The following GALNT13 variants were observed in gnomAD, a reference collection of about 807,000 sequenced individuals.
GALNT13 encodes UDP-GalNAc:polypeptide N-acetylgalactosaminyltransferase 13.
GALNT13 carries 28 observed loss-of-function variants against 64.2 expected under a neutral mutation model. The ratio of observed to expected loss-of-function variants is 0.44; its 90% confidence interval spans 0.32 to 0.60. GALNT13 has a LOEUF of 0.60. GALNT13 is among the 20% of genes least tolerant of loss of function. The probability of loss-of-function intolerance (pLI) is 0.05; values close to 1 mark genes in which losing one functional copy is unlikely to be tolerated. For missense variants in GALNT13, 577 were observed against 669.8 expected (o/e 0.86, Z 1.53); for synonymous variants, 214 against 224.6 (o/e 0.95, Z 0.42).
the GALNT13 span, among the ~76,000 whole-genome samples, chr2:153,224,498 T>TG: frequency 8.1e-3 from 1,235 of 151,762 alleles, 20 homozygotes; most frequent in African/African-American, 0.028. Flanking sequence ...AGTTGAATTT[T>TG]TTTTAAAATT....
the GALNT13 span, among the ~76,000 whole-genome samples, chr2:153,313,759 C>G: frequency 6.6e-6 from 1 of 151,978 alleles, no homozygotes; most frequent in Non-Finnish European, 1.5e-5. Flanking sequence ...CTTGGTAGCC[C>G]AATTCAAGCA....
chr2:153,722,467 C>A, the GALNT13 span, among the ~76,000 whole-genome samples: 1 of 146,582 alleles, frequency 6.8e-6, no homozygotes, highest in Non-Finnish European at 1.5e-5. Flanking sequence ...CGGAGCAGAA[C>A]TGAAGGAAAT....
At chr2:153,656,464 A>G in the GALNT13 span, among the ~76,000 whole-genome samples, 1 of 152,122 alleles carries the variant, frequency 6.6e-6, no homozygotes, top group Non-Finnish European at 1.5e-5. Context: ...GCCTGAGAAT[A>G]GAGACTATTT....
intron 2 of GALNT13, among the ~76,000 whole-genome samples, chr2:153,931,578 A>T (rs1690521372): frequency 6.6e-6 from 1 of 152,086 alleles, no homozygotes; most frequent in African/African-American, 2.4e-5. Context: ...AATTTTATTG[A>T]AAACTTTTTC....
chr2:153,217,749 G>A, the GALNT13 span, among the ~76,000 whole-genome samples: 1 of 151,750 alleles, frequency 6.6e-6, no homozygotes, highest in Non-Finnish European at 1.5e-5. Context: ...TAAATCTTTA[G>A]TTATTTTAAC....
intron 9 of GALNT13, among the ~76,000 whole-genome samples, chr2:154,346,104 T>A (rs1696052862): frequency 6.6e-6 from 1 of 151,998 alleles, no homozygotes; most frequent in African/African-American, 2.4e-5. Flanking sequence ...GTCTTTACTG[T>A]CCCTCTGAAT....
At chr2:154,208,624 CTG>C (rs57789546) in intron 4 of GALNT13, among the ~76,000 whole-genome samples, 16,946 of 140,090 alleles carry the variant, frequency 0.12, 1,134 homozygotes, top group East Asian at 0.31. Flanking sequence ...TTTTGCGTGT[CTG>C]TGTGTGTGTG....
At chr2:153,675,081 C>G in the GALNT13 span, among the ~76,000 whole-genome samples, 3 of 152,074 alleles carry the variant, frequency 2.0e-5, no homozygotes, top group African/African-American at 7.2e-5. Flanking sequence ...AACAGGAATG[C>G]TTTTGCACTG....
chr2:153,075,700 A>T, the GALNT13 span, among the ~76,000 whole-genome samples: 1 of 152,188 alleles, frequency 6.6e-6, no homozygotes, highest in South Asian at 2.1e-4. Flanking sequence ...GTACAAAAAC[A>T]AGATATGTCC....
chr2:153,434,448 C>A, the GALNT13 span, among the ~76,000 whole-genome samples: 2 of 152,142 alleles, frequency 1.3e-5, no homozygotes, highest in Middle Eastern at 3.2e-3. Flanking sequence ...TCCCACCAAC[C>A]ATGTGAAAGT....
the GALNT13 span, among the ~76,000 whole-genome samples, chr2:153,635,402 A>ATATATATATACACGTATATATG: frequency 4.5e-5 from 5 of 110,570 alleles, no homozygotes; most frequent in African/African-American, 1.8e-4. Context: ...AAATATGTAT[A>ATATATATATACACGTATATATG]TATATATATA....
the GALNT13 span, among the ~76,000 whole-genome samples, chr2:153,847,979 T>C: frequency 6.6e-6 from 1 of 152,178 alleles, no homozygotes; most frequent in Non-Finnish European, 1.5e-5. Context: ...AGAGCTGGCT[T>C]ATGGAACTCT....
chr2:154,069,865 A>C (rs1416010110), intron 3 of GALNT13, among the ~76,000 whole-genome samples: 1 of 152,118 alleles, frequency 6.6e-6, no homozygotes, highest in Non-Finnish European at 1.5e-5. Context: ...AGTAGCATTC[A>C]TGTTTGTCCC....
chr2:153,254,508 T>C, the GALNT13 span, among the ~76,000 whole-genome samples: 1 of 152,330 alleles, frequency 6.6e-6, no homozygotes, highest in African/African-American at 2.4e-5. Context: ...TGCCTTCTGC[T>C]AGCTTTTGAA....
At chr2:153,084,613 T>C in the GALNT13 span, among the ~76,000 whole-genome samples, 13 of 152,158 alleles carry the variant, frequency 8.5e-5, no homozygotes, top group African/African-American at 3.1e-4. Flanking sequence ...TGAATAAGTC[T>C]CATGAGATCT....
intron 9 of GALNT13, among the ~76,000 whole-genome samples, chr2:154,367,682 A>T (rs969500727): frequency 6.6e-6 from 1 of 152,322 alleles, no homozygotes; most frequent in Middle Eastern, 3.4e-3. Flanking sequence ...GCAGAGCCTG[A>T]CTATAAAAAG....
At chr2:154,057,213 T>G (rs545243519) in intron 3 of GALNT13, among the ~76,000 whole-genome samples, 1 of 152,174 alleles carries the variant, frequency 6.6e-6, no homozygotes, top group African/African-American at 2.4e-5. Context: ...GTATTTTTAG[T>G]AGAGACGGGG....
chr2:154,223,448 C>CTTTTTTTTTTTTTTTTTT (rs61230257), intron 4 of GALNT13, among the ~76,000 whole-genome samples: 3 of 124,308 alleles, frequency 2.4e-5, no homozygotes, highest in Non-Finnish European at 3.3e-5. Context: ...TTTTCTTTTT[C>CTTTTTTTTTTTTTTTTTT]TTTTTTTTTT....
intron 2 of GALNT13, among the ~76,000 whole-genome samples, chr2:153,911,615 C>A (rs577831396): frequency 1.6e-4 from 25 of 152,170 alleles, no homozygotes; most frequent in Middle Eastern, 3.4e-3. Flanking sequence ...GTAATGATTT[C>A]CCTTAGCATT....
Sources: gnomAD v4.1 joint callset for allele counts (sites outside exome capture counted in the v4.1 genomes callset) on GRCh38, gnomAD v4.1.1 for gene constraint, MANE v1.5 for transcripts, NCBI Gene and HGNC (gene_info 2026-07-23, HGNC 2026-07-21) for gene names.